HOOK3: variants seen among roughly 807,000 people sequenced by gnomAD.
HOOK3 encodes the protein hook microtubule tethering protein 3.
HOOK3 carries 24 observed loss-of-function variants against 116.3 expected under a neutral mutation model. The observed-to-expected ratio is 0.21, with a 90% confidence interval of 0.15 to 0.29. The LOEUF is 0.29. Among genes scored for constraint, HOOK3 ranks in the 10% least tolerant of loss-of-function variants. HOOK3 has a pLI of 1.00. For synonymous variants in HOOK3, 275 were observed against 283.0 expected (o/e 0.97, Z 0.28); for missense variants, 632 against 830.2 (o/e 0.76, Z 2.93).
intron 17 of HOOK3, among the ~76,000 whole-genome samples, chr8:43,006,599 A>G (rs977130361): frequency 6.6e-6 from 1 of 152,226 alleles, no homozygotes; most frequent in Non-Finnish European, 1.5e-5. Context: ...CTAGGATTAC[A>G]GGCATGAACC....
chr8:42,985,588 G>A (rs764808691), intron 14 of HOOK3, among the ~76,000 whole-genome samples: 11 of 151,790 alleles, frequency 7.2e-5, no homozygotes, highest in Middle Eastern at 3.2e-3. Flanking sequence ...CTTCTTTTCC[G>A]TACAATGTAT....
chr8:43,003,712 G>A (rs1225370228), intron 17 of HOOK3, among the ~76,000 whole-genome samples: 1 of 152,178 alleles, frequency 6.6e-6, no homozygotes, highest in Non-Finnish European at 1.5e-5. Context: ...CCTTCTTGAG[G>A]TTTGGAGGGA....
At chr8:42,897,831 C>T (rs547725712) in intron 1 of HOOK3, among the ~76,000 whole-genome samples, 3 of 152,316 alleles carry the variant, frequency 2.0e-5, no homozygotes, top group East Asian at 1.9e-4. Flanking sequence ...TACATGTTCA[C>T]CTCTCACGTC....
Position 43,029,317 on chromosome 8 carries a change from T to C in HOOK3, c.*10819T>C. ...GGCACATGCCACCACATCCAGCTAA[T>C]TTTTGTATTTTTAGTAGAGACGGGG... On this transcript the variant is annotated 3_prime_UTR_variant, in exon 22 of 22. Transcript: ENST00000307602. The C allele has an allele frequency of 6.1e-6, 1 of 164,588 alleles. No individual in the cohort carries two copies. Among genetic ancestry groups the C allele is most frequent in the Non-Finnish European group, 1.3e-5 (1 of 75,318 alleles). 10.2% of individuals were successfully genotyped at this position (164,588 alleles called of 1,614,324 possible).
chr8:43,029,604 A>T lies in HOOK3; in HGVS notation c.*11106A>T, dbSNP rs1809995369. 5.2e-6 allele frequency: 1 copy of T among 191,718 alleles called. No individual in the cohort carries two copies. Among genetic ancestry groups the T allele is most frequent in the Non-Finnish European group, 1.1e-5 (1 of 91,678 alleles). 11.9% of individuals were successfully genotyped at this position (191,718 alleles called of 1,614,324 possible). A position where few individuals can be genotyped will look rare whatever the true frequency, so the allele number is the denominator to read the frequency against. ...AGGCTTATCTTGTTTTGCAGTTTTC[A>T]TGTTTTGACAATTGCCCACCATTTA... On this transcript the variant is annotated 3_prime_UTR_variant, in exon 22 of 22. Coordinates refer to ENST00000307602, the MANE Select transcript of HOOK3 (RefSeq NM_032410.4).
intron 18 of HOOK3, among the ~76,000 whole-genome samples, chr8:43,008,159 C>A (rs907211204): frequency 3.3e-5 from 5 of 151,780 alleles, no homozygotes; most frequent in Non-Finnish European, 4.4e-5. Context: ...GCTGGGACTA[C>A]AGGTGCCCGC....
chr8:42,906,151 C>G lies in HOOK3; in HGVS notation c.58-22C>G, dbSNP rs201351323. 106 of 1,101,566 alleles carry G rather than the reference C, an allele frequency of 9.6e-5. 8 individuals carry two copies. The highest frequency in any genetic ancestry group is 2.1e-4 in the Middle Eastern group (1 of 4,720). 68.2% of individuals were successfully genotyped at this position (1,101,566 alleles called of 1,614,324 possible). On this transcript the variant is annotated intron_variant, in intron 1 of 21. Transcript: ENST00000307602. ...GAGGTAACCACAGAATCTCTCCCCC[C>G]CCCCTCTTTTTTTCCCTTCAGATCC...
intron 9 of HOOK3, among the ~76,000 whole-genome samples, chr8:42,965,087 C>G (rs1022262516): frequency 2.6e-5 from 4 of 152,168 alleles, no homozygotes; most frequent in Non-Finnish European, 5.9e-5. Context: ...CAAGAAAGAC[C>G]GAGGAAGAAC....
chr8:43,004,106 G>T (rs1279700432), intron 17 of HOOK3, among the ~76,000 whole-genome samples: 2 of 151,436 alleles, frequency 1.3e-5, no homozygotes, highest in Non-Finnish European at 2.9e-5. Context: ...GGTGGCTCAC[G>T]CCTGTAATCC....
At chr8:42,996,894 CTTTTTTTTT>C (rs60094537) in intron 15 of HOOK3, among the ~76,000 whole-genome samples, 2 of 77,900 alleles carry the variant, frequency 2.6e-5, no homozygotes, top group South Asian at 4.6e-4. Flanking sequence ...GGGCAGGGAT[CTTTTTTTTT>C]TTTTTTTTTT....
rs912406560 is a variant in HOOK3, at chr8:43,030,322, A to G, written c.*11824A>G. 5.4e-6 allele frequency: 1 copy of G among 184,768 alleles called. No individual in the cohort carries two copies. Among genetic ancestry groups the G allele is most frequent in the Non-Finnish European group, 1.1e-5 (1 of 87,206 alleles). 11.4% of individuals were successfully genotyped at this position (184,768 alleles called of 1,614,324 possible). ...AAATCTTGTATTTCCTTTTGATATCATTTACTCATTTTAATTTTACGACTG... is the reference window on the plus strand; with the variant it reads ...AAATCTTGTATTTCCTTTTGATATCGTTTACTCATTTTAATTTTACGACTG... On this transcript the variant is annotated 3_prime_UTR_variant, in exon 22 of 22. Transcript: ENST00000307602.
At chr8:42,964,238 G>T (rs1255164419) in intron 8 of HOOK3, 73 bp from the exon 9 acceptor site, 4 of 1,426,184 alleles carry the variant, frequency 2.8e-6, no homozygotes, top group Non-Finnish European at 3.9e-6. Flanking sequence ...ATTTGTAATG[G>T]TAATTCACAA....
rs1809913776 is a variant in HOOK3, at chr8:43,025,303, T to G, written c.*6805T>G. The G allele has an allele frequency of 2.4e-5, 5 of 210,592 alleles. No individual in the cohort carries two copies. In the East Asian group the frequency reaches 3.6e-4, roughly 15 times the overall value. The allele number at this position is 210,592 out of a possible 1,614,324, so 13.0% of individuals were successfully genotyped here. On this transcript the variant is annotated 3_prime_UTR_variant, in exon 22 of 22. Transcript: ENST00000307602. ...GACTCGGTTTGCATGCTGTGTGTGT[T>G]TGCATGAGTATAGAAACCTAAGAAC...
chr8:42,971,970 G>A lies in HOOK3; in HGVS notation c.1123-1319G>A, dbSNP rs532398565. On this transcript the variant is annotated intron_variant, in intron 11 of 21. Transcript: ENST00000307602. ...AGTGCTAGGCTTACAGGTGTGAGCC[G>A]CCGTGCCTGGCCTCTTAACTCCTTT... is the stretch of plus-strand genomic sequence containing the variant. Among the ~76,000 whole-genome samples the A allele has an allele frequency of 5.9e-5, 9 of 151,934 alleles. No individual in the cohort carries two copies. In the East Asian group the frequency reaches 1.2e-3, roughly 20 times the overall value.
chr8:42,926,612 C>A (rs1239267641), intron 3 of HOOK3, among the ~76,000 whole-genome samples: 1 of 152,162 alleles, frequency 6.6e-6, no homozygotes, highest in Non-Finnish European at 1.5e-5. Flanking sequence ...TATAGATTCA[C>A]AAGGAGTTGC....
At chr8:43,015,840 C>T (rs1317514364) in intron 21 of HOOK3, among the ~76,000 whole-genome samples, 1 of 151,798 alleles carries the variant, frequency 6.6e-6, no homozygotes, top group Non-Finnish European at 1.5e-5. Flanking sequence ...GCCTTAGCCT[C>T]CCGAGTAACT....
intron 15 of HOOK3, among the ~76,000 whole-genome samples, chr8:42,993,120 A>G (rs1000306161): frequency 3.9e-5 from 6 of 152,200 alleles, no homozygotes; most frequent in Non-Finnish European, 5.9e-5. Context: ...ATTAGTTGGT[A>G]TGAGGATGTT....
intron 13 of HOOK3, among the ~76,000 whole-genome samples, chr8:42,975,958 G>T (rs1808818185): frequency 6.6e-6 from 1 of 151,998 alleles, no homozygotes; most frequent in African/African-American, 2.4e-5. Flanking sequence ...GCCCACCTCG[G>T]CCTCCCACAG....
At chr8:42,957,257 G>T in intron 7 of HOOK3, 101 bp downstream of exon 7, 1 of 507,288 alleles carries the variant, frequency 2.0e-6, no homozygotes. Flanking sequence ...TATTATATTG[G>T]TTTAATTCTT....
Sources: allele counts gnomAD v4.1 joint callset (sites outside exome capture counted in the v4.1 genomes callset), GRCh38; gene constraint gnomAD v4.1.1; transcripts MANE v1.5; gene names NCBI Gene and HGNC (gene_info 2026-07-23, HGNC 2026-07-21).